Variants in HKDC1 observed in about 807,000 individuals in gnomAD.
HKDC1 encodes the protein hexokinase domain containing 1, also known as hexokinase HKDC1.
Under a neutral mutation model 96.6 loss-of-function variants are expected in HKDC1, and 66 were observed. The observed-to-expected ratio is 0.68, with a 90% confidence interval of 0.56 to 0.84. The LOEUF (loss-of-function observed/expected upper bound fraction) is 0.84, where lower values mean the gene tolerates loss of function less well. HKDC1 is among the 40% of genes least tolerant of loss of function. The probability of loss-of-function intolerance (pLI) is 0.00; values close to 1 mark genes in which losing one functional copy is unlikely to be tolerated. For missense variants in HKDC1, 1,211 were observed against 1,208.1 expected, an observed-to-expected ratio of 1.00 and a Z score of -0.04; for synonymous variants, 466 against 473.1, an observed-to-expected ratio of 0.98 and a Z score of 0.20.
chr10:69,233,126 T>C lies in HKDC1; in HGVS notation c.488T>C (p.Leu163Pro), dbSNP rs777361977. Reference protein sequence around the residue: ...TFSFPCRQTKLEEGVLLSWTK... With the variant: ...TFSFPCRQTKPEEGVLLSWTK... ...TCTTTCCCCTGTCGACAGACTAAAC[T>C]GGAAGAGGTAAGGCGCGGAGGGAAG... Residue 163 changes from leucine to proline, a missense_variant, in exon 4 of 18, where the codon CTG becomes CCG. Leu to Pro is a moderately conservative substitution (Grantham distance 98). Transcript: ENST00000354624. 2.6e-5 allele frequency: 42 copies of C among 1,613,772 alleles called. No homozygotes were observed. The highest frequency in any genetic ancestry group is 3.4e-5 in the Non-Finnish European group (40 of 1,179,978).
At chr10:69,257,925 T>G (rs1269080310) in intron 14 of HKDC1, among the ~76,000 whole-genome samples, 1 of 152,024 alleles carries the variant, frequency 6.6e-6, no homozygotes, top group Non-Finnish European at 1.5e-5. Context: ...AAGGGTAGAT[T>G]CTAGGGGGAT....
intron 6 of HKDC1, among the ~76,000 whole-genome samples, chr10:69,241,919 G>A (rs1263310535): frequency 6.6e-6 from 1 of 152,228 alleles, no homozygotes; most frequent in Non-Finnish European, 1.5e-5. Flanking sequence ...GTGGACCAGA[G>A]AGGTCGTGGT....
rs752096394 is a variant in HKDC1 at position 69,257,323 on chromosome 10, T to C, written c.1933-4T>C. 2 of 1,612,532 alleles carry C rather than the reference T, an allele frequency of 1.2e-6. No homozygotes were observed. The highest frequency in any genetic ancestry group is 1.7e-6 in the Non-Finnish European group (2 of 1,178,534). ...GTTTTTTTTGTTTTTGTTTTTGTTT[T>C]TAGGAGTTTGACCTGGACATTGTTG... On this transcript the variant is annotated splice_region_variant and splice_polypyrimidine_tract_variant and intron_variant, in intron 13 of 17. Coordinates refer to ENST00000354624, the MANE Select transcript of HKDC1 (RefSeq NM_025130.4).
chr10:69,242,429 G>GAAA (rs5785904), intron 6 of HKDC1, among the ~76,000 whole-genome samples: 2,826 of 114,986 alleles, frequency 0.025, 77 homozygotes, highest in African/African-American at 0.043. Context: ...AGATACTGAA[G>GAAA]AAAAAAAAAA....
At chr10:69,243,394 A>G (rs1205172082) in intron 7 of HKDC1, 29 bp downstream of exon 7, 3 of 1,534,660 alleles carry the variant, frequency 2.0e-6, no homozygotes, top group East Asian at 2.4e-5. Context: ...TTATCTGGGC[A>G]TCGGCACCAG....
intron 2 of HKDC1, 44 bp downstream of exon 2, chr10:69,227,413 C>T: frequency 1.2e-6 from 2 of 1,609,330 alleles, no homozygotes; most frequent in Non-Finnish European, 1.7e-6. Flanking sequence ...CTCCTCTTGG[C>T]TGATGGGTGT....
At chr10:69,239,236 C>A in intron 5 of HKDC1, 99 bp downstream of exon 5, 2 of 759,298 alleles carry the variant, frequency 2.6e-6, no homozygotes, top group Admixed American at 2.5e-5. Flanking sequence ...ACATATGGTG[C>A]CTGCATGGAG....
intron 6 of HKDC1, among the ~76,000 whole-genome samples, chr10:69,241,209 G>C (rs1376395972): frequency 6.6e-6 from 1 of 152,170 alleles, no homozygotes; most frequent in Non-Finnish European, 1.5e-5. Context: ...CGAGGGTAGG[G>C]AGTCCCTGCC....
intron 2 of HKDC1, among the ~76,000 whole-genome samples, chr10:69,228,530 C>T (rs1843198164): frequency 6.6e-6 from 1 of 152,198 alleles, no homozygotes; most frequent in Non-Finnish European, 1.5e-5. Flanking sequence ...TCCCATCCAA[C>T]TCTTCCATTC....
intron 4 of HKDC1, among the ~76,000 whole-genome samples, chr10:69,237,229 A>G (rs1843374880): frequency 6.6e-6 from 1 of 150,458 alleles, no homozygotes; most frequent in Non-Finnish European, 1.5e-5. Context: ...TTGGTTTTTT[A>G]TTCTTGTTTT....
intron 1 of HKDC1, among the ~76,000 whole-genome samples, chr10:69,220,701 C>T (rs1422208119): frequency 1.3e-5 from 2 of 152,194 alleles, no homozygotes; most frequent in African/African-American, 4.8e-5. Flanking sequence ...CTGAACCTTA[C>T]ACTTCACTCG....
intron 16 of HKDC1, 96 bp from the exon 17 acceptor site, chr10:69,265,489 G>C (rs1262557864): frequency 2.8e-6 from 3 of 1,070,364 alleles, no homozygotes; most frequent in Middle Eastern, 2.1e-4. Flanking sequence ...CCTCCCTCCT[G>C]TAAGGGCATC....
In HKDC1 at chr10:69,247,510, G is replaced by A. The variant is rs1843560045; in HGVS notation, c.1182G>A (p.Leu394=). ...NLCAAALAAI[L]TRLRENKKVE... ...GTGCAGCAGCTCTGGCGGCCATCCTGACACGCCTCCGGGAGAACAAGAAGG... is the reference window on the plus strand; with the variant it reads ...GTGCAGCAGCTCTGGCGGCCATCCTAACACGCCTCCGGGAGAACAAGAAGG... The change falls in exon 9 of 18, where the codon CTG becomes CTA. Residue 394 remains leucine, a synonymous_variant. Coordinates refer to ENST00000354624, the MANE Select transcript of HKDC1 (RefSeq NM_025130.4). 6.2e-7 allele frequency: 1 copy of A among 1,614,034 alleles called. No homozygotes were observed. Among genetic ancestry groups the A allele is most frequent in the Admixed American group, 1.7e-5 (1 of 60,002 alleles).
intron 9 of HKDC1, 81 bp downstream of exon 9, chr10:69,247,674 T>A: frequency 8.9e-7 from 1 of 1,119,370 alleles, no homozygotes; most frequent in Non-Finnish European, 1.3e-6. Context: ...CTATCCTGCC[T>A]ATCTGGGGTC....
intron 1 of HKDC1, 62 bp downstream of exon 1, chr10:69,220,560 C>T: frequency 8.0e-7 from 1 of 1,244,062 alleles, no homozygotes; most frequent in Non-Finnish European, 1.1e-6. Context: ...AAACTGATTC[C>T]CTTAAAAAAA....
At chr10:69,238,025 A>G (rs147404155) in intron 4 of HKDC1, among the ~76,000 whole-genome samples, 1 of 152,340 alleles carries the variant, frequency 6.6e-6, no homozygotes, top group East Asian at 1.9e-4. Flanking sequence ...GAAACATTCT[A>G]TGATTATTTG....
chr10:69,248,655 G>A lies in HKDC1; in HGVS notation c.1497G>A (p.Leu499=). Residue 499 remains leucine, a synonymous_variant, in exon 10 of 18, where the codon CTG becomes CTA. Coordinates refer to ENST00000354624, the MANE Select transcript of HKDC1 (RefSeq NM_025130.4). ...TGCGGGCTGAGCTGGAGTATGGGCT[G>A]AAGAAGAAGAGCCACGGGCTGGCCA... is the stretch of plus-strand genomic sequence containing the variant. ...AKMRAELEYG[L]KKKSHGLATV... The A allele has an allele frequency of 6.2e-7, 1 of 1,614,018 alleles. No individual in the cohort carries two copies. The highest frequency in any genetic ancestry group is 8.5e-7 in the Non-Finnish European group (1 of 1,179,892).
chr10:69,236,189 A>G (rs1486783927), intron 4 of HKDC1, among the ~76,000 whole-genome samples: 1 of 149,728 alleles, frequency 6.7e-6, no homozygotes, highest in East Asian at 2.0e-4. Context: ...GCTCACCACA[A>G]TCTCCGTCTC....
chr10:69,248,325 C>T (rs865838107), intron 9 of HKDC1, 99 bp from the exon 10 acceptor site: 28 of 1,286,462 alleles, frequency 2.2e-5, no homozygotes, highest in Middle Eastern at 2.5e-4. Context: ...AGCCCCGCCC[C>T]GCAGGGCCCT....
Sources: gnomAD v4.1 joint callset for allele counts (sites outside exome capture counted in the v4.1 genomes callset) on GRCh38, gnomAD v4.1.1 for gene constraint, MANE v1.5 for transcripts, NCBI Gene and HGNC (gene_info 2026-07-23, HGNC 2026-07-21) for gene names.